The following LRRC37A2 variants were observed in gnomAD, a reference collection of about 807,000 sequenced individuals.
LRRC37A2 encodes leucine rich repeat containing 37 member A2, also known as leucine-rich repeat-containing protein 37A2.
In LRRC37A2, 9 loss-of-function variants were observed where a neutral mutation model predicts 68.8. That is an observed-to-expected ratio of 0.13 (90% CI 0.08 to 0.23). LRRC37A2 has a LOEUF of 0.23. Ranked by LOEUF, LRRC37A2 falls within the 10% of genes least tolerant of loss-of-function variation. The pLI is 1.00. For synonymous variants in LRRC37A2, 63 were observed against 367.6 expected (o/e 0.17, Z 9.48); for missense variants, 168 against 950.4 (o/e 0.18, Z 10.82).
chr17:47,000,362 G>A, the LRRC37A2 span, among the ~76,000 whole-genome samples: 2,316 of 151,648 alleles, frequency 0.015, 43 homozygotes, highest in African/African-American at 0.054. Context: ...AGCCTCCCAA[G>A]TAGCTGGGGT....
At chr17:46,691,519 C>T in the LRRC37A2 span, among the ~76,000 whole-genome samples, 5 of 144,744 alleles carry the variant, frequency 3.5e-5, no homozygotes, top group Admixed American at 6.9e-5. Context: ...CACTTGAACC[C>T]GGGAGGCAGA....
At chr17:46,830,480 T>C in the LRRC37A2 span, 1 of 392,334 alleles carries the variant, frequency 2.5e-6, no homozygotes, top group Non-Finnish European at 4.5e-6. Flanking sequence ...TCTCCAACTC[T>C]TGGGCTCAGG....
the LRRC37A2 span, among the ~76,000 whole-genome samples, chr17:46,776,201 G>A: frequency 6.6e-6 from 1 of 152,208 alleles, no homozygotes; most frequent in Non-Finnish European, 1.5e-5. Context: ...GTGCCTGCCT[G>A]GGTCTTCATG....
chr17:46,864,448 T>C, the LRRC37A2 span, among the ~76,000 whole-genome samples: 4 of 152,228 alleles, frequency 2.6e-5, no homozygotes, highest in African/African-American at 9.6e-5. Flanking sequence ...CACACTTTAG[T>C]ATGAAGAGGT....
the LRRC37A2 span, among the ~76,000 whole-genome samples, chr17:46,974,744 A>AG: frequency 1.3e-5 from 1 of 76,166 alleles, no homozygotes. Flanking sequence ...AAAAAAAAAA[A>AG]AAAAAGGTCA....
the LRRC37A2 span, among the ~76,000 whole-genome samples, chr17:46,768,078 G>A: frequency 2.0e-5 from 3 of 152,164 alleles, no homozygotes; most frequent in East Asian, 3.9e-4. This position sits in a 1 kb window ranked among gnomAD's most constrained non-coding sequence, Gnocchi z 5.0. Context: ...GTGAGCCACC[G>A]CACCCGGCCA....
the LRRC37A2 span, among the ~76,000 whole-genome samples, chr17:46,844,108 A>G: frequency 6.7e-6 from 1 of 149,868 alleles, no homozygotes; most frequent in Non-Finnish European, 1.5e-5. Context: ...CATGTGCCAC[A>G]ATGCCTGGCT....
At chr17:46,911,747 G>C in the LRRC37A2 span, among the ~76,000 whole-genome samples, 169 of 152,226 alleles carry the variant, frequency 1.1e-3, no homozygotes, top group African/African-American at 3.9e-3. Context: ...AGCCGGGCAT[G>C]GTGGCACACG....
At chr17:46,856,955 G>T in the LRRC37A2 span, among the ~76,000 whole-genome samples, 1 of 152,140 alleles carries the variant, frequency 6.6e-6, no homozygotes, top group African/African-American at 2.4e-5. Context: ...CCACTTCTCC[G>T]CTTTCAGTCA....
At chr17:46,904,723 T>G in the LRRC37A2 span, among the ~76,000 whole-genome samples, 1 of 152,314 alleles carries the variant, frequency 6.6e-6, no homozygotes, top group South Asian at 2.1e-4. Context: ...TAGAGTGGAC[T>G]GAAGAGGCAT....
the LRRC37A2 span, among the ~76,000 whole-genome samples, chr17:46,811,835 T>C: frequency 1.3e-5 from 2 of 152,122 alleles, no homozygotes; most frequent in African/African-American, 4.8e-5. Flanking sequence ...TGCGCACCTG[T>C]AATCCCAGCT....
chr17:47,026,680 T>G, the LRRC37A2 span, among the ~76,000 whole-genome samples: 20,738 of 152,212 alleles, frequency 0.14, 1,450 homozygotes, highest in South Asian at 0.22. Context: ...TATAACTGAA[T>G]AAATTTCTTT....
At chr17:46,921,643 A>G in the LRRC37A2 span, among the ~76,000 whole-genome samples, 1 of 152,186 alleles carries the variant, frequency 6.6e-6, no homozygotes, top group African/African-American at 2.4e-5. Flanking sequence ...CAAGAAAAAA[A>G]CAAACAACCC....
At chr17:46,810,576 T>A in the LRRC37A2 span, among the ~76,000 whole-genome samples, 1 of 152,142 alleles carries the variant, frequency 6.6e-6, no homozygotes, top group African/African-American at 2.4e-5. Context: ...TCATCCAATT[T>A]GCAGATGAGA....
chr17:46,877,761 G>A, the LRRC37A2 span, among the ~76,000 whole-genome samples: 7 of 152,170 alleles, frequency 4.6e-5, no homozygotes, highest in Non-Finnish European at 8.8e-5. Context: ...GCTGGCTCAC[G>A]AGCTATGACT....
the LRRC37A2 span, among the ~76,000 whole-genome samples, chr17:46,903,926 G>A: frequency 4.6e-5 from 7 of 151,954 alleles, no homozygotes; most frequent in Non-Finnish European, 1.0e-4. Context: ...ATGGGTGGTC[G>A]GGTAGATAGG....
the LRRC37A2 span, among the ~76,000 whole-genome samples, chr17:46,678,527 T>C: frequency 6.6e-6 from 1 of 150,840 alleles, no homozygotes; most frequent in Non-Finnish European, 1.5e-5. Flanking sequence ...TTTAAAGGTC[T>C]GGTGCGTGTA....
chr17:46,762,543 G>GA, the LRRC37A2 span: 1 of 150,168 alleles, frequency 6.7e-6, no homozygotes, highest in African/African-American at 2.4e-5. Flanking sequence ...TGACTTAACA[G>GA]AAAAAAACTG....
the LRRC37A2 span, among the ~76,000 whole-genome samples, chr17:47,024,254 A>AT: frequency 1.3e-5 from 2 of 152,144 alleles, no homozygotes; most frequent in African/African-American, 2.4e-5. Context: ...TAGTTCTCCA[A>AT]TTTTTTTGAT....
Sources: allele counts gnomAD v4.1 joint callset (sites outside exome capture counted in the v4.1 genomes callset), GRCh38; gene constraint gnomAD v4.1.1; non-coding constraint Gnocchi (gnomAD v3.1); transcripts MANE v1.5; gene names NCBI Gene and HGNC (gene_info 2026-07-23, HGNC 2026-07-21).